MARCHF11: variants seen among roughly 807,000 people sequenced by gnomAD.
MARCHF11 encodes the protein membrane associated ring-CH-type finger 11.
MARCHF11 carries 29 observed loss-of-function variants against 37.3 expected under a neutral mutation model. The ratio of observed to expected loss-of-function variants is 0.78; its 90% CI spans 0.58 to 1.06. The LOEUF (loss-of-function observed/expected upper bound fraction) is 1.06, where lower values mean the gene tolerates loss of function less well. Ranked by LOEUF, MARCHF11 falls within the 50% of genes least tolerant of loss-of-function variation. MARCHF11 has a pLI of 0.00. For synonymous variants in MARCHF11, 233 were observed against 228.0 expected (o/e 1.02, Z -0.20); for missense variants, 482 against 533.4 (o/e 0.90, Z 0.95).
At position 16,121,449 on chromosome 5, in the gene MARCHF11, C is replaced by T. The variant is rs530758715; in HGVS notation, c.694-30368G>A. 7.8e-4 allele frequency among the ~76,000 whole-genome samples: 118 copies of T among 151,982 alleles called. 1 individual carries two copies. The highest frequency in any genetic ancestry group is 1.2e-3 in the Non-Finnish European group (79 of 67,998). ...GTAGGAACACAGTATATACTCGTTA[C>T]GTAAACAAGTAAATAAATGAATGAA... On this transcript the variant is annotated intron_variant, in intron 2 of 3. Transcript: ENST00000332432.
intron 2 of MARCHF11, among the ~76,000 whole-genome samples, chr5:16,169,103 G>C (rs893660176): frequency 6.6e-6 from 1 of 152,046 alleles, no homozygotes; most frequent in Non-Finnish European, 1.5e-5. Context: ...GCCCGTGTAA[G>C]TGTTCTGAAA....
intron 2 of MARCHF11, among the ~76,000 whole-genome samples, chr5:16,105,617 C>T (rs1235754333): frequency 6.6e-6 from 1 of 152,158 alleles, no homozygotes; most frequent in Non-Finnish European, 1.5e-5. Flanking sequence ...AGAGGAGACA[C>T]TTGGCCAATG....
At chr5:16,089,283 AAGAC>A (rs1042910176) in intron 3 of MARCHF11, among the ~76,000 whole-genome samples, 1 of 152,162 alleles carries the variant, frequency 6.6e-6, no homozygotes, top group African/African-American at 2.4e-5. Context: ...TTCATGCTGA[AAGAC>A]AGAATAAACA....
intron 3 of MARCHF11, among the ~76,000 whole-genome samples, chr5:16,072,182 C>T (rs1475268928): frequency 1.3e-5 from 2 of 152,142 alleles, no homozygotes; most frequent in African/African-American, 4.8e-5. Flanking sequence ...ATCATGAAGA[C>T]AGAAGAATCA....
At chr5:16,170,746 C>T (rs1738249549) in intron 2 of MARCHF11, among the ~76,000 whole-genome samples, 2 of 152,078 alleles carry the variant, frequency 1.3e-5, no homozygotes, top group Non-Finnish European at 1.5e-5. Context: ...TGCTCTAAAA[C>T]CTGTCCCGCT....
At chr5:16,141,766 A>C (rs575507008) in intron 2 of MARCHF11, among the ~76,000 whole-genome samples, 4 of 152,330 alleles carry the variant, frequency 2.6e-5, no homozygotes, top group Admixed American at 6.5e-5. Context: ...AGCCAAAAAC[A>C]AAAACAAAAA....
At chr5:16,148,435 TCCCTGGTA>T (rs1217049759) in intron 2 of MARCHF11, among the ~76,000 whole-genome samples, 1 of 152,122 alleles carries the variant, frequency 6.6e-6, no homozygotes, top group Non-Finnish European at 1.5e-5. Context: ...TGGCAATCTT[TCCCTGGTA>T]CCAATTTCCA....
At chr5:16,153,841 C>T (rs953883938) in intron 2 of MARCHF11, among the ~76,000 whole-genome samples, 1 of 151,970 alleles carries the variant, frequency 6.6e-6, no homozygotes, top group Non-Finnish European at 1.5e-5. Context: ...ATCTGAAGTG[C>T]TGTCTGCAAC....
chr5:16,149,542 TG>T (rs1297721936), intron 2 of MARCHF11, among the ~76,000 whole-genome samples: 1 of 152,094 alleles, frequency 6.6e-6, no homozygotes, highest in Non-Finnish European at 1.5e-5. Flanking sequence ...GACTGCTTGA[TG>T]GCCCAAATTC....
intron 2 of MARCHF11, among the ~76,000 whole-genome samples, chr5:16,095,837 C>T (rs943435549): frequency 2.6e-5 from 4 of 152,124 alleles, no homozygotes; most frequent in East Asian, 1.9e-4. Context: ...GCAAGTTTCC[C>T]GGTGGCAGAA....
chr5:16,122,643 C>T (rs1308563145), intron 2 of MARCHF11, among the ~76,000 whole-genome samples: 1 of 152,166 alleles, frequency 6.6e-6, no homozygotes, highest in East Asian at 1.9e-4. Context: ...TTTTCCCTTC[C>T]TCGTCTCTAG....
At chr5:16,079,867 G>A (rs1736577850) in intron 3 of MARCHF11, among the ~76,000 whole-genome samples, 2 of 152,052 alleles carry the variant, frequency 1.3e-5, no homozygotes, top group South Asian at 2.1e-4. Flanking sequence ...CAGGACACAG[G>A]ATCCCTCCTG....
At chr5:16,177,937 C>A in intron 1 of MARCHF11, 56 bp from the exon 2 acceptor site, 1 of 1,483,676 alleles carries the variant, frequency 6.7e-7, no homozygotes, top group South Asian at 1.4e-5. Flanking sequence ...ATTTTAAAAA[C>A]CTAATGCTTC....
chr5:16,161,591 C>T (rs758348389), intron 2 of MARCHF11, among the ~76,000 whole-genome samples: 1 of 151,950 alleles, frequency 6.6e-6, no homozygotes, highest in Non-Finnish European at 1.5e-5. Flanking sequence ...CCTTTATATT[C>T]ATATTCATTG....
chr5:16,103,828 T>C (rs1736996370), intron 2 of MARCHF11, among the ~76,000 whole-genome samples: 2 of 151,988 alleles, frequency 1.3e-5, no homozygotes, highest in African/African-American at 4.8e-5. Context: ...TCAAGACACA[T>C]GAGAGAGGCC....
chr5:16,126,870 T>C (rs755593196), intron 2 of MARCHF11, among the ~76,000 whole-genome samples: 3 of 152,168 alleles, frequency 2.0e-5, no homozygotes, highest in Non-Finnish European at 4.4e-5. Context: ...CATTACTAGG[T>C]GTTAACATTT....
intron 2 of MARCHF11, among the ~76,000 whole-genome samples, chr5:16,175,308 A>C (rs1378972335): frequency 6.6e-6 from 1 of 152,248 alleles, no homozygotes; most frequent in Non-Finnish European, 1.5e-5. Flanking sequence ...GTAGACAGTC[A>C]AAACCTTCCC....
Position 16,091,002 on chromosome 5 carries a change from C to A in MARCHF11, c.773G>T (p.Ser258Ile). The change falls in exon 3 of 4, where the codon AGT (serine) becomes ATT (isoleucine). Residue 258 changes from serine (S) to isoleucine (I), a missense_variant. By Grantham distance (142) the Ser-to-Ile change is moderately radical. Coordinates refer to ENST00000332432, the MANE Select transcript of MARCHF11 (RefSeq NM_001102562.3). Reference sequence around the variant, plus strand: ...GGCTGACCAGAGGAGCCAAGTCACACTGGCTATTAAGAACAGGGATCCTAG... The same window carrying A: ...GGCTGACCAGAGGAGCCAAGTCACAATGGCTATTAAGAACAGGGATCCTAG... Reference protein sequence around the residue: ...VILGSLFLIASVTWLLWSAFS... With the variant: ...VILGSLFLIAIVTWLLWSAFS... 1 of 1,612,106 alleles carries A rather than the reference C, an allele frequency of 6.2e-7. No individual in the cohort carries two copies. The highest frequency in any genetic ancestry group is 8.5e-7 in the Non-Finnish European group (1 of 1,179,188).
At chr5:16,069,074 C>T (rs1472964165) in intron 3 of MARCHF11, among the ~76,000 whole-genome samples, 1 of 152,128 alleles carries the variant, frequency 6.6e-6, no homozygotes. Context: ...GAAAAAATTG[C>T]AAGGCATCTC....
Sources: allele counts gnomAD v4.1 joint callset (sites outside exome capture counted in the v4.1 genomes callset), GRCh38; gene constraint gnomAD v4.1.1; transcripts MANE v1.5; gene names NCBI Gene and HGNC (gene_info 2026-07-23, HGNC 2026-07-21).